PUM3: variants seen among roughly 807,000 people sequenced by gnomAD.
PUM3 encodes pumilio RNA binding family member 3.
In PUM3, 91 loss-of-function variants were observed where a neutral mutation model predicts 84.0. The observed-to-expected ratio is 1.08, with a 90% confidence interval of 0.91 to 1.29. PUM3 has a LOEUF of 1.29. Ranked by LOEUF, PUM3 falls within the 50% of genes most tolerant of loss-of-function variation. PUM3 has a pLI of 0.00. For synonymous variants in PUM3, 321 were observed against 266.7 expected, an observed-to-expected ratio of 1.20 and a Z score of -1.98; for missense variants, 1,067 against 767.5, an observed-to-expected ratio of 1.39 and a Z score of -4.61.
intron 5 of PUM3, among the ~76,000 whole-genome samples, chr9:2,831,598 C>T (rs1815983398): frequency 6.6e-6 from 1 of 152,118 alleles, no homozygotes; most frequent in Non-Finnish European, 1.5e-5. Context: ...CAAGACTCCT[C>T]TCATTGCAAT....
At chr9:2,830,062 G>C (rs1815934509) in intron 7 of PUM3, 114 bp from the exon 8 acceptor site, 3 of 841,584 alleles carry the variant, frequency 3.6e-6, no homozygotes, top group East Asian at 5.1e-5. Flanking sequence ...ACTCTGAGGA[G>C]TAAATGAGCT....
chr9:2,815,475 T>G (rs534556825), intron 13 of PUM3, among the ~76,000 whole-genome samples: 1 of 152,300 alleles, frequency 6.6e-6, no homozygotes, highest in East Asian at 1.9e-4. Context: ...GTTGATTTTG[T>G]GCAGAATTTA....
intron 13 of PUM3, among the ~76,000 whole-genome samples, chr9:2,819,602 G>A (rs1821543921): frequency 6.6e-6 from 1 of 152,166 alleles, no homozygotes. Flanking sequence ...TCCACAGGGA[G>A]AGAGATAATT....
chr9:2,811,948 G>T (rs1821384417), intron 14 of PUM3, among the ~76,000 whole-genome samples: 1 of 151,834 alleles, frequency 6.6e-6, no homozygotes, highest in Admixed American at 6.6e-5. Flanking sequence ...ATGTGGTATC[G>T]GTAGCTTTGA....
At chr9:2,807,268 G>C (rs1397769907) in intron 17 of PUM3, among the ~76,000 whole-genome samples, 1 of 151,364 alleles carries the variant, frequency 6.6e-6, no homozygotes, top group East Asian at 2.0e-4. Context: ...CTGATACCTT[G>C]TGAATGTTAT....
In PUM3 at chr9:2,823,069, ATT is replaced by A. The variant is rs1489991887; in HGVS notation, c.1188+710_1188+711del. On this transcript the variant is annotated intron_variant, in intron 12 of 17. Transcript: ENST00000397885. ...ATTTTAGTTCATCAATAAATTAGAA[ATT>A]TGTTATCCATCAAATATATAAAGTA... Among the ~76,000 whole-genome samples, 9 of 152,084 alleles carry A rather than the reference ATT, an allele frequency of 5.9e-5. No individual in the cohort carries two copies. The East Asian group carries it at 1.7e-3, about 29-fold the overall frequency.
At chr9:2,824,952 T>C (rs1815771500) in intron 10 of PUM3, 137 bp from the exon 11 acceptor site, 2 of 452,182 alleles carry the variant, frequency 4.4e-6, no homozygotes, top group South Asian at 1.3e-4. Flanking sequence ...AATTTCATTT[T>C]GTAGACAATC....
At chr9:2,804,541 G>T (rs1181075108) in intron 17 of PUM3, 78 bp from the exon 18 acceptor site, 3 of 1,365,682 alleles carry the variant, frequency 2.2e-6, no homozygotes, top group Non-Finnish European at 1.0e-6. Flanking sequence ...CAGTAAAAAA[G>T]ACTTTGTTAA....
At chr9:2,829,420 T>C (rs139649571) in intron 8 of PUM3, among the ~76,000 whole-genome samples, 1 of 152,328 alleles carries the variant, frequency 6.6e-6, no homozygotes, top group East Asian at 1.9e-4. Flanking sequence ...GAGAGCCCAA[T>C]ACACTTCAGC....
intron 15 of PUM3, 121 bp from the exon 16 acceptor site, chr9:2,810,552 C>CCA: frequency 1.5e-6 from 1 of 655,298 alleles, no homozygotes; most frequent in South Asian, 2.0e-5. Flanking sequence ...TTTTAAAGTT[C>CCA]CACAGGCTTA....
rs762088251 is a variant in PUM3, at chr9:2,804,464, C to G, written c.1815-1G>C. The stretch of plus-strand genomic sequence containing the variant: ...TTCCAGGTCACAACTCTGGAGGAGG[C>G]TGAAGAGAGGAAAAAAATTAAATTT... On this transcript the variant is annotated splice_acceptor_variant, in intron 17 of 17. Coordinates refer to ENST00000397885, the MANE Select transcript of PUM3 (RefSeq NM_014878.5). LOFTEE classifies it high-confidence loss of function. The G allele has an allele frequency of 1.2e-6, 2 of 1,607,986 alleles. No individual in the cohort carries two copies. Among genetic ancestry groups the G allele is most frequent in the Non-Finnish European group, 1.7e-6 (2 of 1,178,074 alleles).
Position 2,810,504 on chromosome 9 carries a change from C to CATACATACA in PUM3, c.1636-74_1636-73insTGTATGTAT. The CATACATACA allele has an allele frequency of 1.3e-5, 13 of 1,021,180 alleles. 1 individual carries two copies. The highest frequency in any genetic ancestry group is 1.9e-5 in the Non-Finnish European group (13 of 672,508). The allele number at this position is 1,021,180 out of a possible 1,614,324, so 63.3% of individuals were successfully genotyped here. On this transcript the variant is annotated intron_variant, in intron 15 of 17. Transcript: ENST00000397885. The stretch of plus-strand genomic sequence containing the variant: ...ACAAATACATTTGAATGAATACATA[C>CATACATACA]TATTTATGCCACCACATACAGATAA...
chr9:2,819,359 T>C (rs1821536437), intron 13 of PUM3, among the ~76,000 whole-genome samples: 1 of 152,220 alleles, frequency 6.6e-6, no homozygotes, highest in African/African-American at 2.4e-5. Flanking sequence ...TAGCGATAAA[T>C]ACACTACATT....
At chr9:2,840,330 CAGA>C (rs1370892671) in intron 1 of PUM3, among the ~76,000 whole-genome samples, 6 of 152,156 alleles carry the variant, frequency 3.9e-5, no homozygotes, top group African/African-American at 9.7e-5. Flanking sequence ...CTCCACTTCC[CAGA>C]AGGAGGGGTA....
intron 16 of PUM3, among the ~76,000 whole-genome samples, chr9:2,810,107 G>A (rs566415629): frequency 2.6e-5 from 4 of 151,086 alleles, no homozygotes; most frequent in Admixed American, 6.6e-5. Flanking sequence ...GGGGCGGTGG[G>A]GGGGGCTGGC....
At chr9:2,806,676 TG>T (rs1821264611) in intron 17 of PUM3, among the ~76,000 whole-genome samples, 1 of 152,222 alleles carries the variant, frequency 6.6e-6, no homozygotes, top group African/African-American at 2.4e-5. Context: ...TTCAATGATT[TG>T]TGGATTGATT....
Position 2,807,872 on chromosome 9 carries a change from CA to C in PUM3, c.1755del (p.Gly586ValfsTer2), listed in dbSNP as rs754560542. 1.2e-6 allele frequency: 2 copies of C among 1,613,410 alleles called. No individual in the cohort carries two copies. Among genetic ancestry groups the C allele is most frequent in the Admixed American group, 1.7e-5 (1 of 60,018 alleles). On this transcript the variant is annotated frameshift_variant, in exon 17 of 18. Transcript: ENST00000397885. LOFTEE classifies it high-confidence loss of function. ...GCCCAGGACTTCAGGTTCTTCATAC[CA>C]ACATGCTCTACAAGTGTTTTTGCAA... ...GCFAKTLVEH[V>X]GMKNLKSWAS...
At chr9:2,837,519 AAATATGCAAC>A (rs1260998744) in intron 2 of PUM3, 118 bp from the exon 3 acceptor site, 10 of 656,458 alleles carry the variant, frequency 1.5e-5, no homozygotes, top group African/African-American at 1.5e-4. Context: ...TCTTACTCTC[AAATATGCAAC>A]ATATAGCCTT....
At chr9:2,821,499 C>T (rs1815626409) in intron 12 of PUM3, among the ~76,000 whole-genome samples, 1 of 142,752 alleles carries the variant, frequency 7.0e-6, no homozygotes, top group African/African-American at 2.6e-5. Context: ...AACAGAAGTA[C>T]AAATGTCTTT....
Sources: gnomAD v4.1 joint callset for allele counts (sites outside exome capture counted in the v4.1 genomes callset) on GRCh38, gnomAD v4.1.1 for gene constraint, MANE v1.5 for transcripts, NCBI Gene and HGNC (gene_info 2026-07-23, HGNC 2026-07-21) for gene names.